Variants in AMOT observed in about 807,000 individuals in gnomAD.
The protein encoded by AMOT is angiomotin.
Under a neutral mutation model 67.0 loss-of-function variants are expected in AMOT, and 11 were observed. The observed-to-expected ratio is 0.16, with a 90% CI of 0.10 to 0.27. The LOEUF (loss-of-function observed/expected upper bound fraction) is 0.27. AMOT is among the 10% of genes least tolerant of loss of function. AMOT has a pLI of 1.00. For missense variants in AMOT, 753 were observed against 852.0 expected (o/e 0.88, Z 1.45); for synonymous variants, 326 against 321.4 (o/e 1.01, Z -0.15).
intron 10 of AMOT, among the ~76,000 whole-genome samples, chrX:112,787,661 A>G (rs1933412809): frequency 9.0e-6 from 1 of 111,279 alleles, no homozygotes; most frequent in South Asian, 3.8e-4. Flanking sequence ...ATATGTAACC[A>G]ATATCATAAT....
rs764225190 is a variant in AMOT, at chrX:112,823,042, T to A, written c.85A>T (p.Ser29Cys). Residue 29 changes from serine (S) to cysteine (C), a missense_variant, in exon 4 of 14, where the codon AGT (serine) becomes TGT (cysteine). Ser to Cys is a moderately radical substitution (Grantham distance 112). Transcript: ENST00000371959. Reference sequence around the variant, plus strand: ...ATGGCAAGCAGGCTGCGATTCTCACTAGGATTGCCATAGCGAAGCTGCTCT... The same window carrying A: ...ATGGCAAGCAGGCTGCGATTCTCACAAGGATTGCCATAGCGAAGCTGCTCT... Reference protein sequence around the residue: ...LQEQLRYGNPSENRSLLAIHQ... With the variant: ...LQEQLRYGNPCENRSLLAIHQ... 1.5e-5 allele frequency: 18 copies of A among 1,167,606 alleles called. No homozygotes were observed. In the South Asian group the frequency reaches 2.8e-4, roughly 18 times the overall value.
At chrX:112,782,781 G>A (rs1488249290) in intron 10 of AMOT, 119 bp from the exon 11 acceptor site, 1 of 932,819 alleles carries the variant, frequency 1.1e-6, no homozygotes, top group Non-Finnish European at 1.5e-6. Context: ...AGCACATTTG[G>A]AACAGATGGT....
intron 1 of AMOT, among the ~76,000 whole-genome samples, 164 bp from the exon 2 acceptor site, chrX:112,832,534 T>C (rs753904436): frequency 8.9e-6 from 1 of 112,071 alleles, no homozygotes; most frequent in East Asian, 2.8e-4. Flanking sequence ...TCCTGCCCTG[T>C]GCTTGGTTCT....
At chrX:112,828,619 A>G (rs1457130152) in intron 2 of AMOT, among the ~76,000 whole-genome samples, 2 of 110,306 alleles carry the variant, frequency 1.8e-5, no homozygotes, top group Non-Finnish European at 3.8e-5. Flanking sequence ...GGGTCCTTAG[A>G]TCATTGAAAG....
At chrX:112,833,480 G>GT (rs34642378) in intron 1 of AMOT, among the ~76,000 whole-genome samples, 2 of 53,555 alleles carry the variant, frequency 3.7e-5, no homozygotes, top group African/African-American at 2.2e-4. Flanking sequence ...GGGAGTAAAG[G>GT]GGGGGGGGGG....
At chrX:112,832,418 A>G (rs1177176044) in intron 1 of AMOT, 48 bp from the exon 2 acceptor site, 1 of 111,710 alleles carries the variant, frequency 9.0e-6, no homozygotes, top group Non-Finnish European at 1.9e-5. Context: ...TTAGAACTGG[A>G]GAGGGAAGCT....
intron 8 of AMOT, among the ~76,000 whole-genome samples, chrX:112,802,503 G>T (rs1040198772): frequency 2.6e-4 from 29 of 112,115 alleles, no homozygotes; most frequent in Non-Finnish European, 3.8e-5. Flanking sequence ...TGAAAGTCTG[G>T]AAGACATCAC....
intron 10 of AMOT, among the ~76,000 whole-genome samples, chrX:112,789,802 C>T (rs1017778265): frequency 3.7e-5 from 4 of 109,479 alleles, no homozygotes; most frequent in Non-Finnish European, 7.6e-5. Flanking sequence ...GCTCTGTTAT[C>T]GCCACAACCC....
At chrX:112,781,311 G>A (rs373575758) in intron 11 of AMOT, among the ~76,000 whole-genome samples, 193 bp from the exon 12 acceptor site, 36 of 110,153 alleles carry the variant, frequency 3.3e-4, no homozygotes, top group African/African-American at 1.2e-3. Context: ...GTGGTGGCAG[G>A]CGCCTATAGT....
intron 7 of AMOT, 74 bp downstream of exon 7, chrX:112,809,819 AG>A: frequency 3.4e-6 from 3 of 889,004 alleles, no homozygotes; most frequent in Non-Finnish European, 4.9e-6. Flanking sequence ...AAGGCTAAAG[AG>A]AACAGTGTAA....
chrX:112,803,630 A>G (rs1023954591), intron 8 of AMOT, among the ~76,000 whole-genome samples: 3 of 112,088 alleles, frequency 2.7e-5, no homozygotes, highest in African/African-American at 9.7e-5. Flanking sequence ...ACCCACTGGT[A>G]AAGTGTGAAT....
At chrX:112,833,972 G>A (rs965391795) in intron 1 of AMOT, among the ~76,000 whole-genome samples, 1 of 112,434 alleles carries the variant, frequency 8.9e-6, no homozygotes, top group African/African-American at 3.2e-5. Flanking sequence ...TCCTAATGGG[G>A]AAGGTTTTAA....
At chrX:112,795,397 A>C (rs1184209091) in intron 8 of AMOT, among the ~76,000 whole-genome samples, 1 of 111,094 alleles carries the variant, frequency 9.0e-6, no homozygotes, top group African/African-American at 3.3e-5. Flanking sequence ...TCTGCTATTA[A>C]TAGCAACTTG....
intron 3 of AMOT, among the ~76,000 whole-genome samples, 154 bp from the exon 4 acceptor site, chrX:112,823,342 C>T (rs1051566150): frequency 1.8e-5 from 2 of 111,438 alleles, no homozygotes; most frequent in Admixed American, 1.9e-4. Flanking sequence ...GATTCCAGGC[C>T]CTAGCACTGA....
intron 8 of AMOT, among the ~76,000 whole-genome samples, chrX:112,801,934 A>T (rs1934030907): frequency 8.9e-6 from 1 of 112,441 alleles, no homozygotes; most frequent in Non-Finnish European, 1.9e-5. Flanking sequence ...CCTTGGAAGA[A>T]CTTCTAAGGT....
At chrX:112,787,029 C>T (rs1012491821) in intron 10 of AMOT, among the ~76,000 whole-genome samples, 1 of 111,514 alleles carries the variant, frequency 9.0e-6, no homozygotes, top group Non-Finnish European at 1.9e-5. Context: ...AAGGGCAATG[C>T]CAGCACTTTC....
In AMOT at chrX:112,791,855, G is replaced by C; in HGVS notation, c.1903C>G (p.Leu635Val). Residue 635 changes from leucine to valine, a missense_variant, in exon 9 of 14, where the codon CTG becomes GTG. Leu to Val is a conservative substitution (Grantham distance 32). Around this residue, in one of 5 missense-constraint regions of AMOT, gnomAD observed 66 missense variants for 112.9 expected, o/e 0.58. Transcript: ENST00000371959. ...ACCTGCTGGATTCTCAGGGATTCCA[G>C]TTCCCTCTCCAGTCGTGTCCGGAGA... ...HRLRTRLERELESLRIQQRQG... is the reference protein window; with the variant it reads ...HRLRTRLEREVESLRIQQRQG... The C allele has an allele frequency of 2.5e-6, 3 of 1,211,239 alleles. No homozygotes were observed. The highest frequency in any genetic ancestry group is 3.4e-6 in the Non-Finnish European group (3 of 895,304).
chrX:112,805,451 C>T lies in AMOT; in HGVS notation c.1631-359G>A, dbSNP rs1179962972. On this transcript the variant is annotated intron_variant, in intron 7 of 13. Coordinates refer to ENST00000371959, the MANE Select transcript of AMOT (RefSeq NM_001113490.2). ...AGAAGAAAAGGTAGGCTCATCTCCT[C>T]AATTTTATTTCTTCCAAATTGTCTT... Among the ~76,000 whole-genome samples the T allele has an allele frequency of 2.7e-5, 3 of 110,089 alleles. No individual in the cohort carries two copies. The Admixed American group carries it at 2.9e-4, about 11-fold the overall frequency.
intron 8 of AMOT, among the ~76,000 whole-genome samples, chrX:112,798,881 C>A (rs1270907888): frequency 8.9e-6 from 1 of 111,787 alleles, no homozygotes; most frequent in Non-Finnish European, 1.9e-5. Context: ...TGAACCAGTT[C>A]CCAAGTATTT....
Sources: allele counts gnomAD v4.1 joint callset (sites outside exome capture counted in the v4.1 genomes callset), GRCh38; gene constraint gnomAD v4.1.1; regional missense constraint gnomAD v4.1.1; transcripts MANE v1.5; gene names NCBI Gene and HGNC (gene_info 2026-07-23, HGNC 2026-07-21).